The following USP12 variants were observed in gnomAD, a reference collection of about 807,000 sequenced individuals.
USP12 encodes the protein ubiquitin carboxyl-terminal hydrolase 12.
USP12 carries 19 observed loss-of-function variants against 45.5 expected under a neutral mutation model. The observed-to-expected ratio is 0.42, with a 90% CI of 0.29 to 0.61. The LOEUF is 0.61. Ranked by LOEUF, USP12 falls within the 20% of genes least tolerant of loss-of-function variation. The pLI, the probability that USP12 is intolerant of heterozygous loss-of-function variation, is 0.22. For synonymous variants in USP12, 149 were observed against 148.8 expected (o/e 1.00, Z -0.01); for missense variants, 242 against 447.7 (o/e 0.54, Z 4.15).
chr13:27,121,547 G>A (rs982063756), intron 1 of USP12, among the ~76,000 whole-genome samples: 13 of 152,096 alleles, frequency 8.5e-5, no homozygotes, highest in African/African-American at 2.7e-4. Flanking sequence ...ATGAAGAAAT[G>A]CAGACAGCAG....
chr13:27,097,403 T>C (rs150179037), intron 3 of USP12, among the ~76,000 whole-genome samples: 7,146 of 152,282 alleles, frequency 0.047, 201 homozygotes, highest in African/African-American at 0.056. Context: ...AGGTAGAGGT[T>C]GCAGTGAGCC....
At chr13:27,167,690 ATAT>A (rs1258097543) in intron 1 of USP12, among the ~76,000 whole-genome samples, 2 of 151,868 alleles carry the variant, frequency 1.3e-5, no homozygotes, top group African/African-American at 4.8e-5. Flanking sequence ...TTACAAATAA[ATAT>A]TTTATTAATA....
intron 1 of USP12, among the ~76,000 whole-genome samples, chr13:27,149,205 C>T (rs907985828): frequency 1.1e-4 from 16 of 151,652 alleles, no homozygotes; most frequent in East Asian, 1.9e-4. Context: ...GATTGATTTA[C>T]GGAATTAATA....
intron 3 of USP12, among the ~76,000 whole-genome samples, chr13:27,096,127 G>A (rs1301530693): frequency 7.1e-6 from 1 of 140,638 alleles, no homozygotes; most frequent in Non-Finnish European, 1.6e-5. Flanking sequence ...TTGCTTATTA[G>A]CTTACCTGAC....
At chr13:27,106,761 A>T (rs906502448) in intron 2 of USP12, among the ~76,000 whole-genome samples, 2 of 152,152 alleles carry the variant, frequency 1.3e-5, no homozygotes, top group African/African-American at 4.8e-5. Context: ...TGTTTATAGG[A>T]GAAGAGGAAA....
chr13:27,128,337 T>C (rs964793276), intron 1 of USP12, among the ~76,000 whole-genome samples: 4 of 152,198 alleles, frequency 2.6e-5, no homozygotes, highest in African/African-American at 9.6e-5. Context: ...GGCTTAACAA[T>C]AACATCAAAA....
At chr13:27,102,295 G>A (rs1363278288) in intron 3 of USP12, among the ~76,000 whole-genome samples, 1 of 152,138 alleles carries the variant, frequency 6.6e-6, no homozygotes, top group African/African-American at 2.4e-5. Context: ...CCCACAGGCA[G>A]TACCTGTAAA....
intron 6 of USP12, among the ~76,000 whole-genome samples, chr13:27,078,296 T>A (rs1014027158): frequency 1.3e-5 from 2 of 152,156 alleles, no homozygotes; most frequent in Non-Finnish European, 2.9e-5. Context: ...ACCATTTACA[T>A]TGTATTAGGT....
At chr13:27,168,336 G>C (rs2137852010) in intron 1 of USP12, among the ~76,000 whole-genome samples, 1 of 152,278 alleles carries the variant, frequency 6.6e-6, no homozygotes, top group East Asian at 1.9e-4. Flanking sequence ...AGACAATAAT[G>C]ATCAGAGGCA....
chr13:27,086,572 ACATT>A (rs1334471730), intron 6 of USP12, among the ~76,000 whole-genome samples: 2 of 152,158 alleles, frequency 1.3e-5, no homozygotes, highest in Non-Finnish European at 2.9e-5. Flanking sequence ...ATTTTCTAAT[ACATT>A]AAAATTTCAT....
rs1296505356 is a variant in USP12, at chr13:27,068,145, G to A, written c.*1138C>T. On this transcript the variant is annotated 3_prime_UTR_variant, in exon 9 of 9. Transcript: ENST00000282344. ...ATGAACATTATGACTTCTTTCCAGG[G>A]TAAAAAATGGCATCTGAAAATAACA... 6.6e-6 allele frequency: 1 copy of A among 152,324 alleles called. No homozygotes were observed. The highest frequency in any genetic ancestry group is 1.5e-5 in the Non-Finnish European group (1 of 68,010). 9.4% of individuals were successfully genotyped at this position (152,324 alleles called of 1,614,324 possible).
chr13:27,069,579 T>C (rs1873144978), intron 8 of USP12, among the ~76,000 whole-genome samples, 195 bp from the exon 9 acceptor site: 1 of 152,202 alleles, frequency 6.6e-6, no homozygotes, highest in African/African-American at 2.4e-5. Context: ...CAACTACCCT[T>C]TGATCCAGCA....
chr13:27,155,273 G>C (rs554874056), intron 1 of USP12, among the ~76,000 whole-genome samples: 1 of 151,596 alleles, frequency 6.6e-6, no homozygotes, highest in Non-Finnish European at 1.5e-5. Flanking sequence ...AGTAGAGACA[G>C]GGTTTCACCA....
chr13:27,121,484 G>A (rs900698599), intron 1 of USP12, among the ~76,000 whole-genome samples: 3 of 152,062 alleles, frequency 2.0e-5, no homozygotes, highest in Non-Finnish European at 4.4e-5. Context: ...GAGTTCATAA[G>A]TCAAAAATTA....
At chr13:27,137,725 A>T (rs1435835655) in intron 1 of USP12, among the ~76,000 whole-genome samples, 1 of 152,202 alleles carries the variant, frequency 6.6e-6, no homozygotes, top group Non-Finnish European at 1.5e-5. Flanking sequence ...CCCCTGGAAT[A>T]TGGGCAGGAC....
intron 2 of USP12, among the ~76,000 whole-genome samples, chr13:27,107,229 G>A (rs2137788103): frequency 6.6e-6 from 1 of 152,278 alleles, no homozygotes; most frequent in South Asian, 2.1e-4. Flanking sequence ...GGAGGCTGAG[G>A]TATGAGAATC....
rs1181307646 is a variant in USP12, at chr13:27,086,271, A to G, written c.734+3612T>C. 1.5e-4 allele frequency among the ~76,000 whole-genome samples: 6 copies of G among 40,310 alleles called. No homozygotes were observed. In the East Asian group the frequency reaches 7.5e-3, roughly 50 times the overall value. 26.4% of individuals were successfully genotyped at this position (40,310 alleles called of 152,430 possible). ...TATGCACATATACATATACATACAC[A>G]TATATATAATTACACACACACACAC... On this transcript the variant is annotated intron_variant, in intron 6 of 8. Coordinates refer to ENST00000282344, the MANE Select transcript of USP12 (RefSeq NM_182488.4).
intron 3 of USP12, among the ~76,000 whole-genome samples, chr13:27,105,327 T>A (rs17592082): frequency 6.6e-6 from 1 of 152,058 alleles, no homozygotes; most frequent in Non-Finnish European, 1.5e-5. Flanking sequence ...GGAAATGACA[T>A]GCTCTCTATC....
At chr13:27,085,305 A>C (rs1873961639) in intron 6 of USP12, among the ~76,000 whole-genome samples, 1 of 151,672 alleles carries the variant, frequency 6.6e-6, no homozygotes, top group Non-Finnish European at 1.5e-5. Flanking sequence ...CTTAGCCTCC[A>C]GAGTAGCTGG....
Sources: allele counts gnomAD v4.1 joint callset (sites outside exome capture counted in the v4.1 genomes callset), GRCh38; gene constraint gnomAD v4.1.1; transcripts MANE v1.5; gene names NCBI Gene and HGNC (gene_info 2026-07-23, HGNC 2026-07-21).